Variants in SRI observed in about 807,000 individuals in gnomAD.
SRI encodes 22 kDa protein.
In SRI, 30 loss-of-function variants were observed where a neutral mutation model predicts 33.3. That is an observed-to-expected ratio of 0.90 (90% CI 0.67 to 1.22). SRI has a LOEUF of 1.22. Among genes scored for constraint, SRI ranks in the 50% most tolerant of loss-of-function variants. SRI has a pLI of 0.00. For synonymous variants in SRI, 75 were observed against 89.9 expected, an observed-to-expected ratio of 0.83 and a Z score of 0.94; for missense variants, 243 against 250.8, an observed-to-expected ratio of 0.97 and a Z score of 0.21.
intron 1 of SRI, among the ~76,000 whole-genome samples, chr7:88,225,648 T>C (rs1851978333): frequency 6.6e-6 from 1 of 152,242 alleles, no homozygotes; most frequent in African/African-American, 2.4e-5. Flanking sequence ...TAATTGCTTA[T>C]CTTGTCACTT....
At chr7:88,219,572 GTT>G (rs1479136699) in intron 1 of SRI, 1 of 171,942 alleles carries the variant, frequency 5.8e-6, no homozygotes, top group African/African-American at 3.0e-5. Context: ...TTGTTTGTTT[GTT>G]TTTTAAAGGG....
chr7:88,213,184 T>C, intron 3 of SRI, among the ~76,000 whole-genome samples: 1 of 152,200 alleles, frequency 6.6e-6, no homozygotes, highest in East Asian at 1.9e-4. Flanking sequence ...CTAATGGGCA[T>C]CCCTGACTCT....
chr7:88,218,977 CG>C, intron 1 of SRI, 35 bp from the exon 2 acceptor site: 1 of 1,592,856 alleles, frequency 6.3e-7, no homozygotes, highest in South Asian at 1.1e-5. Context: ...GTCATTCTGC[CG>C]AATCAAGTTT....
chr7:88,208,107 C>A (rs1851477889), intron 7 of SRI: 1 of 161,494 alleles, frequency 6.2e-6, no homozygotes, highest in South Asian at 1.9e-4. Flanking sequence ...GATTTGTTTA[C>A]AGAAGACAAA....
chr7:88,219,662 T>TG (rs1851834132), intron 1 of SRI, among the ~76,000 whole-genome samples: 1 of 9,822 alleles, frequency 1.0e-4, no homozygotes, highest in African/African-American at 4.0e-4. Context: ...TGGGGTGGGG[T>TG]GGGGGTCAGC....
rs529621790 is a variant in SRI at position 88,205,762 on chromosome 7, T to C, written c.*716A>G. 2.0e-5 allele frequency: 3 copies of C among 152,354 alleles called. No homozygotes were observed. The highest frequency in any genetic ancestry group is 6.5e-5 in the Admixed American group (1 of 15,304). The allele number at this position is 152,354 out of a possible 1,614,324, so 9.4% of individuals were successfully genotyped here. Reference sequence around the variant, plus strand: ...ATAGAAAATCTGAAAAATACTGATATAAAGAAAATTAAAGTCATCTAGAAT... The same window carrying C: ...ATAGAAAATCTGAAAAATACTGATACAAAGAAAATTAAAGTCATCTAGAAT... On this transcript the variant is annotated 3_prime_UTR_variant, in exon 8 of 8. Coordinates refer to ENST00000265729, the MANE Select transcript of SRI (RefSeq NM_003130.4).
rs1159893199 is a variant in SRI at position 88,206,068 on chromosome 7, A to G, written c.*410T>C. The G allele has an allele frequency of 5.3e-5, 10 of 188,960 alleles. No homozygotes were observed. Among genetic ancestry groups the G allele is most frequent in the South Asian group, 1.0e-4 (1 of 9,558 alleles). 11.7% of individuals were successfully genotyped at this position (188,960 alleles called of 1,614,324 possible). ...TGTTTTATTTCACCCAAGTGCGTCT[A>G]TGTCATTTACCTAAGTTTTTATGTG... On this transcript the variant is annotated 3_prime_UTR_variant, in exon 8 of 8. Coordinates refer to ENST00000265729, the MANE Select transcript of SRI (RefSeq NM_003130.4).
chr7:88,214,485 T>C (rs1851658996), intron 3 of SRI, among the ~76,000 whole-genome samples: 1 of 152,084 alleles, frequency 6.6e-6, no homozygotes, highest in African/African-American at 2.4e-5. Flanking sequence ...TGAACAAAAG[T>C]GAATGAACAA....
chr7:88,212,404 A>T (rs974763795), intron 3 of SRI, among the ~76,000 whole-genome samples: 2 of 152,238 alleles, frequency 1.3e-5, no homozygotes, highest in African/African-American at 4.8e-5. Context: ...TGGAGGTATG[A>T]AGTCCCTCTA....
intron 2 of SRI, 102 bp from the exon 3 acceptor site, chr7:88,217,293 T>C: frequency 2.1e-6 from 2 of 962,232 alleles, no homozygotes. Context: ...AATCAGTATC[T>C]TTTTTTTATT....
intron 3 of SRI, among the ~76,000 whole-genome samples, chr7:88,216,268 G>A (rs1380729430): frequency 1.3e-5 from 2 of 152,172 alleles, no homozygotes; most frequent in African/African-American, 4.8e-5. Context: ...GTGAGCCACT[G>A]TGCCCTGCCA....
At position 88,218,930 on chromosome 7, in the gene SRI, G is replaced by T; in HGVS notation, c.64C>A (p.Pro22Thr). ...GYYPGGYGGA[P>T]GGPAFPGQTQ... ...TGTCCGGGAAACGCAGGCCCTCCGG[G>T]AGCCCCTCCATACTGTGAAACAGGA... The change falls in exon 2 of 8, where the codon CCC becomes ACC. Residue 22 changes from proline to threonine, a missense_variant. Pro to Thr is a conservative substitution (Grantham distance 38). Transcript: ENST00000265729. The T allele has an allele frequency of 6.2e-7, 1 of 1,613,870 alleles. No individual in the cohort carries two copies. The highest frequency in any genetic ancestry group is 8.5e-7 in the Non-Finnish European group (1 of 1,179,868).
At position 88,206,211 on chromosome 7, in the gene SRI, T is replaced by C. The variant is rs1280095585; in HGVS notation, c.*267A>G. The C allele has an allele frequency of 2.0e-6, 1 of 510,262 alleles. No individual in the cohort carries two copies. Among genetic ancestry groups the C allele is most frequent in the Non-Finnish European group, 3.5e-6 (1 of 284,330 alleles). The allele number at this position is 510,262 out of a possible 1,614,324, so 31.6% of individuals were successfully genotyped here. ...AACATTTTGCATACTTAAATTTACATAGAGTTTTAGCAAGAAAATAAGGCA... is the reference window on the plus strand; with the variant it reads ...AACATTTTGCATACTTAAATTTACACAGAGTTTTAGCAAGAAAATAAGGCA... On this transcript the variant is annotated 3_prime_UTR_variant, in exon 8 of 8. Coordinates refer to ENST00000265729, the MANE Select transcript of SRI (RefSeq NM_003130.4).
upstream of SRI, chr7:88,220,048 G>C: frequency 6.6e-7 from 1 of 1,517,220 alleles, no homozygotes; most frequent in Non-Finnish European, 8.8e-7. Context: ...CGCCGCAGCC[G>C]CCCTCGCCCT....
intron 3 of SRI, among the ~76,000 whole-genome samples, chr7:88,216,375 G>A (rs765252705): frequency 6.6e-6 from 1 of 152,256 alleles, no homozygotes; most frequent in African/African-American, 2.4e-5. Flanking sequence ...GGAGCAGCAG[G>A]TCCAGTAAGT....
At chr7:88,218,223 A>G (rs1426223261) in intron 2 of SRI, among the ~76,000 whole-genome samples, 1 of 152,184 alleles carries the variant, frequency 6.6e-6, no homozygotes, top group African/African-American at 2.4e-5. Flanking sequence ...AGCACCTGTC[A>G]ATGTAAGATA....
rs768680640 is a variant in SRI at position 88,220,022 on chromosome 7, G to T, written c.5C>A (p.Ala2Glu). M[A>E]YPGHPGAGGG... ...GCCGGCGCCAGGATGCCCCGGGTACGCCATGCTGCAGACTGCGCCGCAGCC... is the reference window on the plus strand; with the variant it reads ...GCCGGCGCCAGGATGCCCCGGGTACTCCATGCTGCAGACTGCGCCGCAGCC... The change falls in exon 1 of 8, where the codon GCG becomes GAG. Residue 2 changes from alanine to glutamate, a missense_variant. Coordinates refer to ENST00000265729, the MANE Select transcript of SRI (RefSeq NM_003130.4). The T allele has an allele frequency of 2.9e-5, 44 of 1,531,874 alleles. No individual in the cohort carries two copies. Among genetic ancestry groups the T allele is most frequent in the Non-Finnish European group, 2.4e-5 (27 of 1,144,972 alleles). 94.9% of individuals were successfully genotyped at this position (1,531,874 alleles called of 1,614,324 possible). A position where few individuals can be genotyped will look rare whatever the true frequency, so the allele number is the denominator to read the frequency against.
rs543042932 is a variant in SRI at position 88,205,500 on chromosome 7, T to A, written c.*978A>T. 6 of 152,320 alleles carry A rather than the reference T, an allele frequency of 3.9e-5. No homozygotes were observed. Among genetic ancestry groups the A allele is most frequent in the East Asian group, 3.9e-4 (2 of 5,194 alleles). The allele number at this position is 152,320 out of a possible 1,614,324, so 9.4% of individuals were successfully genotyped here. On this transcript the variant is annotated 3_prime_UTR_variant, in exon 8 of 8. Transcript: ENST00000265729. ...TGAAAGTGTACAGCTTAAAATTTTT[T>A]AAAAAATTCCTTCCATTATAAATGT...
intron 1 of SRI, among the ~76,000 whole-genome samples, chr7:88,226,197 A>G (rs1258493294): frequency 5.3e-5 from 8 of 152,186 alleles, no homozygotes; most frequent in Non-Finnish European, 1.0e-4. Context: ...TTTGCAACCT[A>G]GGTCTATTTT....
Sources: gnomAD v4.1 joint callset for allele counts (sites outside exome capture counted in the v4.1 genomes callset) on GRCh38, gnomAD v4.1.1 for gene constraint, MANE v1.5 for transcripts, NCBI Gene and HGNC (gene_info 2026-07-23, HGNC 2026-07-21) for gene names.